The following ECRG4 variants were observed in gnomAD, a reference collection of about 807,000 sequenced individuals.
ECRG4 encodes ECRG4 augurin precursor, also known as augurin.
A neutral mutation model predicts 15.8 loss-of-function variants in ECRG4; 18 were observed. The observed-to-expected ratio is 1.14, with a 90% CI of 0.79 to 1.69. The LOEUF (loss-of-function observed/expected upper bound fraction) is 1.69. Among genes scored for constraint, ECRG4 ranks in the 40% most tolerant of loss-of-function variants. The pLI, the probability that ECRG4 is intolerant of heterozygous loss-of-function variation, is 0.00. For synonymous variants in ECRG4, 82 were observed against 73.9 expected, an observed-to-expected ratio of 1.11 and a Z score of -0.56; for missense variants, 200 against 190.9, an observed-to-expected ratio of 1.05 and a Z score of -0.28.
In ECRG4 at chr2:106,073,920, T is replaced by C; in HGVS notation, c.162T>C (p.Asp54=). The C allele has an allele frequency of 6.2e-7, 1 of 1,614,186 alleles. No individual in the cohort carries two copies. The highest frequency in any genetic ancestry group is 8.5e-7 in the Non-Finnish European group (1 of 1,180,034). ...PVPTKTKVAV[D]ENKAKEFLGS... is the part of the protein sequence containing the mutation. ...CAACTAAGACTAAAGTGGCCGTTGA[T>C]GAGAATAAAGCCAAAGAATTCCTTG... Residue 54 remains aspartate (D), a synonymous_variant, in exon 3 of 4, where the codon GAT becomes GAC. Coordinates refer to ENST00000238044, the MANE Select transcript of ECRG4 (RefSeq NM_032411.3).
intron 1 of ECRG4, among the ~76,000 whole-genome samples, chr2:106,067,057 G>GC (rs1388728736): frequency 4.7e-5 from 4 of 84,810 alleles, no homozygotes; most frequent in Non-Finnish European, 5.3e-5. Context: ...ACTTTGGGAG[G>GC]CCGGGGGGGG....
chr2:106,071,214 C>T (rs1459311422), intron 1 of ECRG4, among the ~76,000 whole-genome samples: 1 of 151,106 alleles, frequency 6.6e-6, no homozygotes. Context: ...CATGGGTGAC[C>T]TCCGTGGATC....
At chr2:106,072,122 T>A (rs1345267472) in intron 2 of ECRG4, 2 of 497,842 alleles carry the variant, frequency 4.0e-6, no homozygotes, top group African/African-American at 1.9e-5. Context: ...CCTGTCAGTG[T>A]GGACTCAAAA....
At chr2:106,075,148 G>C (rs1368877408) in intron 3 of ECRG4, among the ~76,000 whole-genome samples, 2 of 152,016 alleles carry the variant, frequency 1.3e-5, no homozygotes, top group African/African-American at 4.8e-5. Flanking sequence ...GCTGTTATTT[G>C]CATCTCTGTA....
At chr2:106,063,493 GCTGAA>G (rs1676144187), upstream of ECRG4, 1 of 152,246 alleles carries the variant, frequency 6.6e-6, no homozygotes, top group Non-Finnish European at 1.5e-5. Flanking sequence ...GTGTCTCCAG[GCTGAA>G]CACATGAGTT....
chr2:106,077,445 G>A (rs1558659118), intron 3 of ECRG4, among the ~76,000 whole-genome samples: 2 of 152,340 alleles, frequency 1.3e-5, no homozygotes, highest in South Asian at 2.1e-4. Flanking sequence ...AGGCCAAGTT[G>A]TTATGGTATT....
In ECRG4 at chr2:106,078,054, C is replaced by CA; in HGVS notation, c.*134dup. On this transcript the variant is annotated 3_prime_UTR_variant, in exon 4 of 4. Transcript: ENST00000238044. ...ATCTTTTCTACCTACTTTGTGTGAT[C>CA]AAAAAAGAAGAGTTAAAACAACACA... 1 of 848,498 alleles carries CA rather than the reference C, an allele frequency of 1.2e-6. No homozygotes were observed. Among genetic ancestry groups the CA allele is most frequent in the Non-Finnish European group, 1.7e-6 (1 of 596,044 alleles). The allele number at this position is 848,498 out of a possible 1,614,324, so 52.6% of individuals were successfully genotyped here.
At chr2:106,073,662 C>T (rs1320708465) in intron 2 of ECRG4, among the ~76,000 whole-genome samples, 1 of 152,176 alleles carries the variant, frequency 6.6e-6, no homozygotes, top group East Asian at 1.9e-4. Context: ...AAGTTTAGTC[C>T]ATGCCCCTTT....
At chr2:106,068,761 T>C (rs1676277012) in intron 1 of ECRG4, among the ~76,000 whole-genome samples, 1 of 152,248 alleles carries the variant, frequency 6.6e-6, no homozygotes, top group South Asian at 2.1e-4. Context: ...AATGCTATTA[T>C]TAGTGCCAAG....
intron 2 of ECRG4, among the ~76,000 whole-genome samples, chr2:106,073,594 C>T (rs1300020498): frequency 6.6e-6 from 1 of 152,146 alleles, no homozygotes. Context: ...GCCCTGGGTG[C>T]GAGTGGGCTG....
At chr2:106,070,599 G>A (rs35546558) in intron 1 of ECRG4, among the ~76,000 whole-genome samples, 30,030 of 152,142 alleles carry the variant, frequency 0.2, 3,249 homozygotes, top group East Asian at 0.34. Context: ...TAAATTCTTT[G>A]TGCAGAGGTT....
chr2:106,068,859 TCCC>T (rs1676279428), intron 1 of ECRG4, among the ~76,000 whole-genome samples: 1 of 152,204 alleles, frequency 6.6e-6, no homozygotes, highest in African/African-American at 2.4e-5. Flanking sequence ...TAAACAGTAG[TCCC>T]ACCCCCATCT....
intron 1 of ECRG4, among the ~76,000 whole-genome samples, chr2:106,067,823 A>G (rs1219273229): frequency 6.6e-6 from 1 of 150,468 alleles, no homozygotes. Flanking sequence ...GTGACTCTTT[A>G]TGCCACCTCC....
At chr2:106,064,187 T>C (rs1196642752), upstream of ECRG4, 1 of 151,950 alleles carries the variant, frequency 6.6e-6, no homozygotes, top group African/African-American at 2.4e-5. Flanking sequence ...ACATTATCCT[T>C]CTGATTCTCT....
chr2:106,077,321 T>C (rs1676507744), intron 3 of ECRG4, among the ~76,000 whole-genome samples: 1 of 152,244 alleles, frequency 6.6e-6, no homozygotes. Context: ...GTGGTTGATC[T>C]AACTCAGGCA....
At chr2:106,070,910 C>T (rs770929568) in intron 1 of ECRG4, 1 of 471,180 alleles carries the variant, frequency 2.1e-6, no homozygotes, top group Non-Finnish European at 4.4e-6. Context: ...CTACTCACTA[C>T]TTACGATGTC....
upstream of ECRG4, among the ~76,000 whole-genome samples, chr2:106,065,502 C>A (rs1676188534): frequency 6.6e-6 from 1 of 151,844 alleles, no homozygotes; most frequent in South Asian, 2.1e-4. Flanking sequence ...GGCCAAGCAT[C>A]CTTGGCCTTG....
intron 1 of ECRG4, among the ~76,000 whole-genome samples, chr2:106,068,046 T>C (rs976313110): frequency 1.3e-5 from 2 of 151,774 alleles, no homozygotes; most frequent in African/African-American, 2.4e-5. Flanking sequence ...AGTCTCACTA[T>C]GTAGCCCAGG....
At chr2:106,072,840 A>G (rs780138994) in intron 2 of ECRG4, among the ~76,000 whole-genome samples, 6 of 152,160 alleles carry the variant, frequency 3.9e-5, no homozygotes, top group Non-Finnish European at 8.8e-5. Flanking sequence ...ATGCCCAGGG[A>G]TCAACAACGC....
Sources: gnomAD v4.1 joint callset for allele counts (sites outside exome capture counted in the v4.1 genomes callset) on GRCh38, gnomAD v4.1.1 for gene constraint, MANE v1.5 for transcripts, NCBI Gene and HGNC (gene_info 2026-07-23, HGNC 2026-07-21) for gene names.